Variants in EYS observed in about 807,000 individuals in gnomAD.
EYS encodes EGF-like photoreceptor maintenance factor, also known as protein eyes shut homolog.
EYS carries 250 observed loss-of-function variants against 282.1 expected under a neutral mutation model. The ratio of observed to expected loss-of-function variants is 0.89; its 90% confidence interval spans 0.80 to 0.98. The LOEUF is 0.98. EYS is among the 50% of genes least tolerant of loss of function. The pLI is 0.00. For synonymous variants in EYS, 1,355 were observed against 1,282.9 expected (o/e 1.06, Z -1.20); for missense variants, 4,016 against 3,709.0 (o/e 1.08, Z -2.15).
At chr6:64,555,868 T>G (rs1582889983) in intron 26 of EYS, among the ~76,000 whole-genome samples, 2 of 151,894 alleles carry the variant, frequency 1.3e-5, no homozygotes, top group Admixed American at 1.3e-4. Flanking sequence ...ACCACAAGGA[T>G]AGCAAAAATT....
At chr6:65,655,104 A>G (rs1767774526) in intron 1 of EYS, among the ~76,000 whole-genome samples, 1 of 151,678 alleles carries the variant, frequency 6.6e-6, no homozygotes, top group Non-Finnish European at 1.5e-5. Flanking sequence ...TTATAATTAA[A>G]ATGTATTATT....
chr6:65,169,447 G>T (rs565087108), intron 12 of EYS, among the ~76,000 whole-genome samples: 2 of 151,288 alleles, frequency 1.3e-5, no homozygotes, highest in African/African-American at 4.8e-5. Flanking sequence ...TATGTATTAC[G>T]TTCTATTTTT....
intron 12 of EYS, among the ~76,000 whole-genome samples, chr6:65,177,806 G>A (rs1157028349): frequency 6.6e-6 from 1 of 151,662 alleles, no homozygotes; most frequent in African/African-American, 2.4e-5. Flanking sequence ...AGAGTAATTA[G>A]TGAGTTTAAA....
At chr6:65,619,288 C>A (rs866206017) in intron 2 of EYS, among the ~76,000 whole-genome samples, 38 of 151,380 alleles carry the variant, frequency 2.5e-4, no homozygotes, top group Non-Finnish European at 5.0e-4. Context: ...AAGTTGGATT[C>A]CTAGGTATTT....
Position 64,388,766 on chromosome 6 carries a change from T to A in EYS, c.6002A>T (p.His2001Leu). The A allele has an allele frequency of 6.5e-7, 1 of 1,545,426 alleles. No homozygotes were observed. The highest frequency in any genetic ancestry group is 8.7e-7 in the Non-Finnish European group (1 of 1,143,892). The change falls in exon 29 of 43, where the codon CAT (histidine) becomes CTT (leucine). Residue 2001 changes from histidine (H) to leucine (L), a missense_variant. Coordinates refer to ENST00000503581, the MANE Select transcript of EYS (RefSeq NM_001142800.2). The stretch of plus-strand genomic sequence containing the variant: ...TTTTGGCAGGGGTTTTCCGAGTACA[T>A]GATTGATAGATTCGCATATTTGTGT... ...RNTQICESIN[H>L]VLGKPLPKSG...
chr6:65,638,064 G>A (rs1767151315), intron 2 of EYS, among the ~76,000 whole-genome samples: 1 of 152,116 alleles, frequency 6.6e-6, no homozygotes, highest in Non-Finnish European at 1.5e-5. Flanking sequence ...TTTCGGGCCT[G>A]CCAATGACAG....
intron 5 of EYS, among the ~76,000 whole-genome samples, chr6:65,467,337 T>C (rs1051889959): frequency 3.3e-5 from 5 of 151,940 alleles, no homozygotes; most frequent in Admixed American, 1.3e-4. Context: ...ATAGAACAAA[T>C]AGGTAAAATA....
intron 33 of EYS, among the ~76,000 whole-genome samples, chr6:64,055,667 C>A (rs1371842087): frequency 1.3e-5 from 2 of 152,098 alleles, no homozygotes; most frequent in Non-Finnish European, 2.9e-5. Context: ...TGTGTCCCTG[C>A]TGATGCACAT....
At chr6:64,911,666 C>T (rs546496553) in intron 16 of EYS, among the ~76,000 whole-genome samples, 2 of 152,200 alleles carry the variant, frequency 1.3e-5, no homozygotes, top group South Asian at 4.1e-4. Flanking sequence ...GGCCTCCAAA[C>T]ACAATGTGTT....
At chr6:64,856,467 A>T (rs1766064672) in intron 19 of EYS, among the ~76,000 whole-genome samples, 1 of 151,786 alleles carries the variant, frequency 6.6e-6, no homozygotes, top group Admixed American at 6.6e-5. Flanking sequence ...TGCCTGGGTA[A>T]TTTTTGCATT....
In EYS at chr6:65,678,217, A is replaced by T. The variant is rs551660216; in HGVS notation, c.-448+28918T>A. 6.6e-5 allele frequency among the ~76,000 whole-genome samples: 10 copies of T among 152,090 alleles called. No homozygotes were observed. The South Asian group carries it at 1.0e-3, about 16-fold the overall frequency. ...AGAGTGAGAACTCACTCATTATTGC[A>T]ATAATGGCCATTAATGAGGGATCTG... On this transcript the variant is annotated intron_variant, in intron 1 of 42. Coordinates refer to ENST00000503581, the MANE Select transcript of EYS (RefSeq NM_001142800.2).
chr6:64,433,330 A>T (rs529626274), intron 28 of EYS, among the ~76,000 whole-genome samples: 1 of 152,000 alleles, frequency 6.6e-6, no homozygotes, highest in African/African-American at 2.4e-5. Flanking sequence ...TATTAGAAGA[A>T]TATGTAAATG....
At chr6:64,861,873 T>A (rs1473996449) in intron 19 of EYS, among the ~76,000 whole-genome samples, 4 of 152,200 alleles carry the variant, frequency 2.6e-5, no homozygotes, top group African/African-American at 9.7e-5. Context: ...GCTTCTTTCT[T>A]TACATAGATT....
intron 18 of EYS, among the ~76,000 whole-genome samples, chr6:64,892,407 A>G (rs964589119): frequency 2.6e-5 from 4 of 151,990 alleles, no homozygotes; most frequent in African/African-American, 9.7e-5. Flanking sequence ...TACTTGTTTC[A>G]GTAGATATTT....
intron 12 of EYS, among the ~76,000 whole-genome samples, chr6:65,219,344 A>T (rs1766400102): frequency 6.6e-6 from 1 of 152,176 alleles, no homozygotes; most frequent in South Asian, 2.1e-4. Context: ...AAATAGAGAA[A>T]ATTGGTGATT....
chr6:65,185,574 A>G (rs1263699749), intron 12 of EYS, among the ~76,000 whole-genome samples: 2 of 151,876 alleles, frequency 1.3e-5, no homozygotes, highest in Non-Finnish European at 2.9e-5. Context: ...AAGCAGCATA[A>G]TTTTTCTTGG....
At chr6:64,092,887 G>T (rs971971979) in intron 31 of EYS, among the ~76,000 whole-genome samples, 2 of 151,546 alleles carry the variant, frequency 1.3e-5, no homozygotes, top group African/African-American at 4.9e-5. Flanking sequence ...ATGGTTTTAG[G>T]TCTAACATTT....
Position 65,688,822 on chromosome 6 carries a change from A to G in EYS, c.-448+18313T>C, listed in dbSNP as rs544599701. On this transcript the variant is annotated intron_variant, in intron 1 of 42. Transcript: ENST00000503581. ...AGAAATGCAAATCAAAACCACAATG[A>G]GATACCATCTCACACCAGTTAGAAT... Among the ~76,000 whole-genome samples, 3 of 151,826 alleles carry G rather than the reference A, an allele frequency of 2.0e-5. No homozygotes were observed. In the South Asian group the frequency reaches 6.3e-4, roughly 32 times the overall value.
chr6:64,721,298 G>A (rs972146351), intron 22 of EYS, among the ~76,000 whole-genome samples: 3 of 152,130 alleles, frequency 2.0e-5, no homozygotes, highest in Non-Finnish European at 4.4e-5. Context: ...GGGGCTAGGG[G>A]CAGGAAGGTT....
Sources: allele counts gnomAD v4.1 joint callset (sites outside exome capture counted in the v4.1 genomes callset), GRCh38; gene constraint gnomAD v4.1.1; transcripts MANE v1.5; gene names NCBI Gene and HGNC (gene_info 2026-07-23, HGNC 2026-07-21).